GNAQ: variants seen among roughly 807,000 people sequenced by gnomAD.
GNAQ encodes guanine nucleotide-binding protein G(q) subunit alpha.
GNAQ carries 8 observed loss-of-function variants against 43.9 expected under a neutral mutation model. The ratio of observed to expected loss-of-function variants is 0.18; its 90% CI spans 0.11 to 0.33. The LOEUF (loss-of-function observed/expected upper bound fraction) is 0.33, where lower values mean the gene tolerates loss of function less well. Among genes scored for constraint, GNAQ ranks in the 10% least tolerant of loss-of-function variants. The pLI is 1.00. For missense variants in GNAQ, 158 were observed against 450.8 expected (o/e 0.35, Z 5.88); for synonymous variants, 155 against 170.7 (o/e 0.91, Z 0.71).
Position 78,031,379 on chromosome 9 carries a change from A to T in GNAQ, c.-144T>A. On this transcript the variant is annotated 5_prime_UTR_variant, in exon 1 of 7. Coordinates refer to ENST00000286548, the MANE Select transcript of GNAQ (RefSeq NM_002072.5). ...CGCGCGTCCGGGACGAGCTCCGGGA[A>T]CCGCCGCGGGGGCGGCGGCCAGGGC... The T allele has an allele frequency of 2.4e-6, 1 of 416,752 alleles. No homozygotes were observed. Among genetic ancestry groups the T allele is most frequent in the South Asian group, 1.2e-4 (1 of 8,676 alleles). 25.8% of individuals were successfully genotyped at this position (416,752 alleles called of 1,614,324 possible). A position where few individuals can be genotyped will look rare whatever the true frequency, so the allele number is the denominator to read the frequency against.
At chr9:77,979,712 G>C (rs1053930506) in intron 1 of GNAQ, among the ~76,000 whole-genome samples, 1 of 152,160 alleles carries the variant, frequency 6.6e-6, no homozygotes, top group African/African-American at 2.4e-5. Flanking sequence ...ATGATACTAA[G>C]ATACTTTCAC....
intron 2 of GNAQ, among the ~76,000 whole-genome samples, chr9:77,887,721 A>C (rs1411995269): frequency 6.6e-6 from 1 of 151,958 alleles, no homozygotes; most frequent in Admixed American, 6.5e-5. Context: ...AGAAATATTA[A>C]AAGACTATAA....
chr9:77,944,958 G>A (rs1369404436), intron 1 of GNAQ, among the ~76,000 whole-genome samples: 1 of 152,278 alleles, frequency 6.6e-6, no homozygotes, highest in East Asian at 1.9e-4. Flanking sequence ...AAGAACACCA[G>A]GGGTCTCAAC....
chr9:77,788,645 A>G (rs570157324), intron 5 of GNAQ, among the ~76,000 whole-genome samples: 86 of 152,332 alleles, frequency 5.6e-4, no homozygotes, highest in Middle Eastern at 3.4e-3. Context: ...GGAAGCAGGT[A>G]GGTCATTATT....
chr9:77,793,288 T>A (rs1826606079), intron 5 of GNAQ, among the ~76,000 whole-genome samples: 1 of 152,172 alleles, frequency 6.6e-6, no homozygotes, highest in Admixed American at 6.5e-5. Flanking sequence ...AGCCTCATTC[T>A]TAAACAGAAG....
intron 5 of GNAQ, among the ~76,000 whole-genome samples, chr9:77,746,802 G>GA (rs150641750): frequency 6.6e-6 from 1 of 151,916 alleles, no homozygotes; most frequent in East Asian, 1.9e-4. Context: ...GACAAATCAA[G>GA]AAAAAAAGAG....
intron 2 of GNAQ, among the ~76,000 whole-genome samples, chr9:77,863,918 G>A (rs1401602490): frequency 2.0e-5 from 3 of 152,098 alleles, no homozygotes; most frequent in Admixed American, 1.3e-4. Flanking sequence ...CTACCACTGG[G>A]TCCCTCCCAC....
Position 77,716,633 on chromosome 9 carries a change from TAA to T in GNAQ, c.*4688_*4689del. The T allele has an allele frequency of 8.6e-6, 2 of 232,926 alleles. No homozygotes were observed. Among genetic ancestry groups the T allele is most frequent in the Admixed American group, 1.1e-4 (2 of 17,794 alleles). 14.4% of individuals were successfully genotyped at this position (232,926 alleles called of 1,614,324 possible). A position where few individuals can be genotyped will look rare whatever the true frequency, so the allele number is the denominator to read the frequency against. On this transcript the variant is annotated 3_prime_UTR_variant, in exon 7 of 7. Transcript: ENST00000286548. ...TTATTCCAGCTTTCTTTCCTGAACT[TAA>T]AAATGTTCTACCAACGAATACCTTT...
At chr9:77,842,292 T>TA (rs1310491163) in intron 2 of GNAQ, among the ~76,000 whole-genome samples, 3 of 152,136 alleles carry the variant, frequency 2.0e-5, no homozygotes, top group African/African-American at 7.2e-5. Context: ...CTAACTGTAG[T>TA]AAGAAAAGCT....
At chr9:77,858,800 T>G (rs1827798668) in intron 2 of GNAQ, among the ~76,000 whole-genome samples, 1 of 152,054 alleles carries the variant, frequency 6.6e-6, no homozygotes, top group African/African-American at 2.4e-5. Flanking sequence ...TTCTCTGAGC[T>G]GCAGCTATCA....
At chr9:77,742,073 T>C (rs1825660664) in intron 5 of GNAQ, among the ~76,000 whole-genome samples, 1 of 152,212 alleles carries the variant, frequency 6.6e-6, no homozygotes, top group Non-Finnish European at 1.5e-5. Context: ...AGCAAGGCCC[T>C]GGCACCTTTA....
chr9:78,014,916 C>T (rs113749548), intron 1 of GNAQ, among the ~76,000 whole-genome samples: 2,417 of 152,258 alleles, frequency 0.016, 64 homozygotes, highest in African/African-American at 0.054. Flanking sequence ...ATTCCTATCG[C>T]CTACTGACAT....
chr9:77,731,937 T>C (rs901019454), intron 5 of GNAQ, among the ~76,000 whole-genome samples: 6 of 152,326 alleles, frequency 3.9e-5, no homozygotes, highest in African/African-American at 1.4e-4. Flanking sequence ...ATGTTTTCCA[T>C]AGTAAAAATT....
intron 2 of GNAQ, among the ~76,000 whole-genome samples, chr9:77,854,384 T>G (rs1564130938): frequency 1.3e-5 from 2 of 152,152 alleles, no homozygotes; most frequent in African/African-American, 4.8e-5. Context: ...TGAAAATATG[T>G]GCTATTGTCA....
chr9:78,019,923 C>CAAAAAA (rs34222702), intron 1 of GNAQ, among the ~76,000 whole-genome samples: 2 of 94,036 alleles, frequency 2.1e-5, no homozygotes, highest in African/African-American at 4.2e-5. Context: ...GACTCCATCT[C>CAAAAAA]AAAAAAAAAA....
At chr9:77,870,956 G>A (rs1587377236) in intron 2 of GNAQ, among the ~76,000 whole-genome samples, 1 of 152,250 alleles carries the variant, frequency 6.6e-6, no homozygotes, top group East Asian at 1.9e-4. Flanking sequence ...AGTTGTCTAG[G>A]GATGGGAGAC....
intron 2 of GNAQ, among the ~76,000 whole-genome samples, chr9:77,863,179 AAAGGAAGGAAGG>A (rs750178023): frequency 7.7e-5 from 10 of 130,030 alleles, no homozygotes; most frequent in African/African-American, 1.8e-4. Context: ...CGTATGAAAG[AAAGGAAGGAAGG>A]AAGGAAGGAA....
chr9:77,962,816 C>T (rs1823121799), intron 1 of GNAQ, among the ~76,000 whole-genome samples: 1 of 145,586 alleles, frequency 6.9e-6, no homozygotes, highest in Non-Finnish European at 1.5e-5. Flanking sequence ...TGCTTGAACC[C>T]GGGAGGCAGA....
intron 1 of GNAQ, among the ~76,000 whole-genome samples, chr9:77,951,286 C>T (rs866715833): frequency 9.2e-5 from 14 of 151,792 alleles, no homozygotes; most frequent in African/African-American, 1.7e-4. Context: ...TTAGTAGAGA[C>T]GGGGTTTCTC....
Sources: gnomAD v4.1 joint callset for allele counts (sites outside exome capture counted in the v4.1 genomes callset) on GRCh38, gnomAD v4.1.1 for gene constraint, MANE v1.5 for transcripts, NCBI Gene and HGNC (gene_info 2026-07-23, HGNC 2026-07-21) for gene names.